Variants in PTPRT observed in about 807,000 individuals in gnomAD.
PTPRT encodes the protein protein tyrosine phosphatase receptor type T.
A neutral mutation model predicts 176.8 loss-of-function variants in PTPRT; 56 were observed. The ratio of observed to expected loss-of-function variants is 0.32; its 90% confidence interval spans 0.26 to 0.40. The LOEUF is 0.40. PTPRT is among the 10% of genes least tolerant of loss of function. The pLI is 1.00. For missense variants in PTPRT, 1,540 were observed against 1,908.2 expected, an observed-to-expected ratio of 0.81 and a Z score of 3.60; for synonymous variants, 783 against 739.0, an observed-to-expected ratio of 1.06 and a Z score of -0.96.
intron 16 of PTPRT, among the ~76,000 whole-genome samples, chr20:42,188,147 C>G (rs1990853455): frequency 6.6e-6 from 1 of 152,240 alleles, no homozygotes; most frequent in South Asian, 2.1e-4. Context: ...TGCTTCAAAT[C>G]TGGCCCCTTC....
chr20:42,668,428 C>T (rs139736510), intron 7 of PTPRT, among the ~76,000 whole-genome samples: 52 of 152,302 alleles, frequency 3.4e-4, no homozygotes, highest in African/African-American at 1.2e-3. Context: ...GGTTCCCAAG[C>T]GGACTCTCAC....
chr20:43,045,247 A>G (rs1195748390), intron 1 of PTPRT, among the ~76,000 whole-genome samples: 1 of 152,174 alleles, frequency 6.6e-6, no homozygotes, highest in Non-Finnish European at 1.5e-5. Context: ...CATTCCTTCC[A>G]TAATACCTCT....
intron 7 of PTPRT, among the ~76,000 whole-genome samples, chr20:42,514,227 C>T (rs1308314645): frequency 6.6e-6 from 1 of 152,190 alleles, no homozygotes; most frequent in African/African-American, 2.4e-5. Flanking sequence ...AGTGGCTTGA[C>T]CAATTGATCC....
At chr20:42,710,618 A>G (rs2076130036) in intron 6 of PTPRT, among the ~76,000 whole-genome samples, 1 of 152,266 alleles carries the variant, frequency 6.6e-6, no homozygotes, top group Admixed American at 6.5e-5. Context: ...CTGGCCTGCC[A>G]CAAGGGCAGA....
intron 7 of PTPRT, among the ~76,000 whole-genome samples, chr20:42,481,742 C>A (rs140116223): frequency 0.013 from 1,958 of 151,202 alleles, 55 homozygotes; most frequent in African/African-American, 0.046. Context: ...AAGAGCAAGA[C>A]CGTGTCTCTA....
intron 6 of PTPRT, among the ~76,000 whole-genome samples, chr20:42,692,609 C>T (rs975633603): frequency 6.6e-6 from 1 of 152,306 alleles, no homozygotes; most frequent in South Asian, 2.1e-4. Context: ...ATACTACACA[C>T]TTTTCCCTGA....
chr20:42,102,362 G>GTC, intron 25 of PTPRT, 65 bp from the exon 26 acceptor site: 1 of 1,533,740 alleles, frequency 6.5e-7, no homozygotes, highest in Non-Finnish European at 8.9e-7. Flanking sequence ...AAAAGAGACA[G>GTC]TAATGTTCCA....
intron 9 of PTPRT, among the ~76,000 whole-genome samples, chr20:42,363,300 A>ATTTTTTTTTTTT (rs879370769): frequency 9.8e-5 from 3 of 30,560 alleles, no homozygotes; most frequent in Non-Finnish European, 1.6e-4. Context: ...ATATATATAT[A>ATTTTTTTTTTTT]TTTTTTTTTT....
chr20:42,729,267 A>AG (rs145342432), intron 6 of PTPRT, among the ~76,000 whole-genome samples: 4 of 152,152 alleles, frequency 2.6e-5, no homozygotes, highest in African/African-American at 7.2e-5. Flanking sequence ...GAGTCTACCC[A>AG]GGGGGGTCGG....
chr20:43,102,284 TCACACACACACA>T (rs57029983), intron 1 of PTPRT, among the ~76,000 whole-genome samples: 83 of 140,552 alleles, frequency 5.9e-4, no homozygotes, highest in African/African-American at 1.7e-3. Flanking sequence ...CACTCACACA[TCACACACACACA>T]CACACACACA....
rs1357876504 is a variant in PTPRT, at chr20:42,172,628, T to C, written c.2492-11086A>G. Reference sequence around the variant, plus strand: ...ATACCCTTCACCCAGTTTTCCCCAATGTTAACACTTGTGTAACTATAGTAC... The same window carrying C: ...ATACCCTTCACCCAGTTTTCCCCAACGTTAACACTTGTGTAACTATAGTAC... On this transcript the variant is annotated intron_variant, in intron 16 of 30. Coordinates refer to ENST00000373187, the MANE Select transcript of PTPRT (RefSeq NM_007050.6). 2.6e-5 allele frequency among the ~76,000 whole-genome samples: 4 copies of C among 152,236 alleles called. No homozygotes were observed. In the South Asian group the frequency reaches 6.2e-4, roughly 24 times the overall value.
chr20:42,680,934 C>T (rs946294312), intron 6 of PTPRT, among the ~76,000 whole-genome samples: 6 of 152,166 alleles, frequency 3.9e-5, no homozygotes, highest in Admixed American at 3.9e-4. Context: ...ATCTCTCTCT[C>T]CATCCCCTCA....
chr20:42,897,748 C>A (rs208210), intron 1 of PTPRT, among the ~76,000 whole-genome samples: 2 of 152,078 alleles, frequency 1.3e-5, no homozygotes, highest in African/African-American at 2.4e-5. Context: ...AGTTATATGA[C>A]CTTGGCCAAC....
intron 7 of PTPRT, among the ~76,000 whole-genome samples, chr20:42,510,990 A>C (rs1195619098): frequency 6.6e-6 from 1 of 152,094 alleles, no homozygotes; most frequent in African/African-American, 2.4e-5. Flanking sequence ...TGAATAGATT[A>C]ATCCATTCAT....
intron 1 of PTPRT, among the ~76,000 whole-genome samples, chr20:43,168,401 T>C (rs114549802): frequency 1.3e-5 from 2 of 152,304 alleles, no homozygotes; most frequent in African/African-American, 4.8e-5. Context: ...TTCTGAGCCA[T>C]GGACTTTCCC....
At chr20:42,567,827 T>C (rs1424541789) in intron 7 of PTPRT, among the ~76,000 whole-genome samples, 1 of 152,198 alleles carries the variant, frequency 6.6e-6, no homozygotes, top group Non-Finnish European at 1.5e-5. Context: ...CTGGAGTGTA[T>C]GCATTGATAC....
intron 7 of PTPRT, among the ~76,000 whole-genome samples, chr20:42,541,878 T>C (rs2072588855): frequency 6.6e-6 from 1 of 151,288 alleles, no homozygotes; most frequent in African/African-American, 2.4e-5. Context: ...CTAAAATTAC[T>C]GTAAAACTAA....
chr20:42,228,824 A>C (rs1045603254), intron 15 of PTPRT, among the ~76,000 whole-genome samples: 2 of 152,252 alleles, frequency 1.3e-5, no homozygotes, highest in African/African-American at 4.8e-5. Context: ...AATGATGAGT[A>C]ATACATAGTT....
chr20:42,613,222 A>G (rs919142829), intron 7 of PTPRT, among the ~76,000 whole-genome samples: 1 of 152,220 alleles, frequency 6.6e-6, no homozygotes, highest in African/African-American at 2.4e-5. Context: ...TCTGGCAGTG[A>G]GCACTTTTTC....
Sources: allele counts gnomAD v4.1 joint callset (sites outside exome capture counted in the v4.1 genomes callset), GRCh38; gene constraint gnomAD v4.1.1; transcripts MANE v1.5; gene names NCBI Gene and HGNC (gene_info 2026-07-23, HGNC 2026-07-21).